The following GSG1L variants were observed in gnomAD, a reference collection of about 807,000 sequenced individuals.
GSG1L encodes germ cell-specific gene 1-like protein.
GSG1L carries 24 observed loss-of-function variants against 42.1 expected under a neutral mutation model. The ratio of observed to expected loss-of-function variants is 0.57; its 90% CI spans 0.41 to 0.80. GSG1L has a LOEUF of 0.80. Ranked by LOEUF, GSG1L falls within the 30% of genes least tolerant of loss-of-function variation. GSG1L has a pLI of 0.00. For synonymous variants in GSG1L, 215 were observed against 203.5 expected, an observed-to-expected ratio of 1.06 and a Z score of -0.48; for missense variants, 445 against 472.2, an observed-to-expected ratio of 0.94 and a Z score of 0.53.
chr16:28,015,430 A>G (rs1052683572), intron 1 of GSG1L, among the ~76,000 whole-genome samples: 5 of 152,246 alleles, frequency 3.3e-5, no homozygotes, highest in African/African-American at 1.2e-4. Context: ...ACTTCAGCCC[A>G]GGAATTCAAG....
chr16:27,873,977 T>C (rs974276445), intron 3 of GSG1L, among the ~76,000 whole-genome samples: 3 of 152,100 alleles, frequency 2.0e-5, no homozygotes, highest in African/African-American at 7.2e-5. Flanking sequence ...TTCCCAGGCC[T>C]CTCCCTTAAT....
chr16:28,063,039 G>T lies in GSG1L; in HGVS notation c.349+37C>A, dbSNP rs1034968569. 7.3e-7 allele frequency: 1 copy of T among 1,369,474 alleles called. No individual in the cohort carries two copies. The highest frequency in any genetic ancestry group is 9.5e-7 in the Non-Finnish European group (1 of 1,056,728). 84.8% of individuals were successfully genotyped at this position (1,369,474 alleles called of 1,614,324 possible). Reference sequence around the variant, plus strand: ...TCGATGGCCGCGCCGCCCCGGGGGAGCCGGAGCCGAGCTGGCCGCCGCCCG... The same window carrying T: ...TCGATGGCCGCGCCGCCCCGGGGGATCCGGAGCCGAGCTGGCCGCCGCCCG... On this transcript the variant is annotated intron_variant, in intron 1 of 6. Coordinates refer to ENST00000447459, the MANE Select transcript of GSG1L (RefSeq NM_001109763.2). This position sits in a 1 kb window ranked among gnomAD's most constrained non-coding sequence, Gnocchi z 5.8.
chr16:27,803,800 G>GATAGATATATAGATATAGAT (rs2082917674), intron 6 of GSG1L, among the ~76,000 whole-genome samples: 2 of 74,246 alleles, frequency 2.7e-5, no homozygotes, highest in African/African-American at 1.0e-4. Context: ...TATATAGATA[G>GATAGATATATAGATATAGAT]ATAGATATAG....
chr16:27,983,318 G>C (rs1328425640), intron 1 of GSG1L, among the ~76,000 whole-genome samples: 1 of 152,128 alleles, frequency 6.6e-6, no homozygotes, highest in Non-Finnish European at 1.5e-5. Context: ...CTGGGTGACA[G>C]AGCAAGACTC....
At chr16:28,042,121 G>A (rs575523294) in intron 1 of GSG1L, among the ~76,000 whole-genome samples, 1 of 152,314 alleles carries the variant, frequency 6.6e-6, no homozygotes, top group South Asian at 2.1e-4. Context: ...GTGAGAGGGA[G>A]ATCCTATCTC....
chr16:27,932,146 G>A (rs1344820170), intron 2 of GSG1L, among the ~76,000 whole-genome samples: 1 of 152,164 alleles, frequency 6.6e-6, no homozygotes, highest in Non-Finnish European at 1.5e-5. Context: ...TCTGTCTCCT[G>A]GGTTCAAGTA....
At chr16:27,876,452 T>C (rs1596576982) in intron 3 of GSG1L, among the ~76,000 whole-genome samples, 1 of 152,224 alleles carries the variant, frequency 6.6e-6, no homozygotes, top group Admixed American at 6.5e-5. Flanking sequence ...CTGAGCTTCC[T>C]GGCAGCCGAT....
chr16:27,881,924 C>T (rs560288314), intron 3 of GSG1L, among the ~76,000 whole-genome samples: 1 of 152,114 alleles, frequency 6.6e-6, no homozygotes, highest in Non-Finnish European at 1.5e-5. Flanking sequence ...ATCAATATGA[C>T]TCCTGCAGCC....
chr16:27,815,574 G>C lies in GSG1L; in HGVS notation c.831-8020C>G, dbSNP rs183892392. 5.1e-3 allele frequency among the ~76,000 whole-genome samples: 772 copies of C among 152,304 alleles called. 6 individuals carry two copies. Among genetic ancestry groups the C allele is most frequent in the African/African-American group, 0.018 (731 of 41,538 alleles). On this transcript the variant is annotated intron_variant, in intron 5 of 6. Transcript: ENST00000447459. ...AAGGGCTGATGGGGATGCTTGGTGT[G>C]AAACAGTGCTCAGAACAGGCATCAG...
intron 3 of GSG1L, among the ~76,000 whole-genome samples, chr16:27,848,767 T>C (rs1179996031): frequency 6.6e-6 from 1 of 151,728 alleles, no homozygotes; most frequent in Non-Finnish European, 1.5e-5. Context: ...GGAAGTGACA[T>C]TTAAGCAGAG....
Position 27,789,082 on chromosome 16 carries a change from T to C in GSG1L, c.*2288A>G, listed in dbSNP as rs1486980962. On this transcript the variant is annotated 3_prime_UTR_variant, in exon 7 of 7. Transcript: ENST00000447459. ...GTGTGACACATGGAAGGAGGATGGATGGAAGTCTGATACAAGGAAGGATGA... is the reference window on the plus strand; with the variant it reads ...GTGTGACACATGGAAGGAGGATGGACGGAAGTCTGATACAAGGAAGGATGA... The C allele has an allele frequency of 6.6e-6, 1 of 152,228 alleles. No individual in the cohort carries two copies. The highest frequency in any genetic ancestry group is 2.4e-5 in the African/African-American group (1 of 41,424). 9.4% of individuals were successfully genotyped at this position (152,228 alleles called of 1,614,324 possible). A position where few individuals can be genotyped will look rare whatever the true frequency, so the allele number is the denominator to read the frequency against.
At chr16:28,037,617 T>A (rs774564147) in intron 1 of GSG1L, among the ~76,000 whole-genome samples, 9 of 152,224 alleles carry the variant, frequency 5.9e-5, no homozygotes, top group Non-Finnish European at 8.8e-5. Context: ...CACTTTTCAC[T>A]GTTGATACAA....
intron 2 of GSG1L, among the ~76,000 whole-genome samples, chr16:27,911,379 C>T (rs959578433): frequency 6.6e-6 from 1 of 152,132 alleles, no homozygotes; most frequent in Non-Finnish European, 1.5e-5. Context: ...CAACCTCCGC[C>T]TCCCAGGTTC....
intron 5 of GSG1L, among the ~76,000 whole-genome samples, chr16:27,816,501 G>A (rs1463572295): frequency 3.9e-5 from 6 of 152,216 alleles, no homozygotes; most frequent in African/African-American, 4.8e-5. Context: ...CTGTTCAGAC[G>A]TGAACAGCAC....
chr16:28,020,169 C>T (rs185949661), intron 1 of GSG1L, among the ~76,000 whole-genome samples: 1 of 152,304 alleles, frequency 6.6e-6, no homozygotes, highest in East Asian at 1.9e-4. Flanking sequence ...AAAATCGGCC[C>T]TACTGTCTTG....
intron 2 of GSG1L, among the ~76,000 whole-genome samples, chr16:27,925,474 AC>A (rs2084580859): frequency 6.6e-6 from 1 of 152,168 alleles, no homozygotes; most frequent in African/African-American, 2.4e-5. Flanking sequence ...AAGAGTCTTG[AC>A]CCAGAATGTT....
chr16:27,820,389 G>C (rs985744523), intron 5 of GSG1L, among the ~76,000 whole-genome samples: 4 of 152,140 alleles, frequency 2.6e-5, no homozygotes, highest in African/African-American at 9.7e-5. Context: ...CAATTCGGGA[G>C]GCAGGTGGGT....
chr16:27,934,106 C>A (rs1386438275), intron 2 of GSG1L, among the ~76,000 whole-genome samples: 4 of 152,208 alleles, frequency 2.6e-5, no homozygotes, highest in African/African-American at 9.6e-5. Flanking sequence ...CGGGGCAGAA[C>A]AACCTTCCCC....
At chr16:28,034,704 G>A (rs1160098657) in intron 1 of GSG1L, among the ~76,000 whole-genome samples, 1 of 152,122 alleles carries the variant, frequency 6.6e-6, no homozygotes, top group Non-Finnish European at 1.5e-5. Context: ...GGACATTCAG[G>A]GCTGGATCAT....
Sources: gnomAD v4.1 joint callset for allele counts (sites outside exome capture counted in the v4.1 genomes callset) on GRCh38, gnomAD v4.1.1 for gene constraint, Gnocchi (gnomAD v3.1) non-coding constraint, MANE v1.5 for transcripts, NCBI Gene and HGNC (gene_info 2026-07-23, HGNC 2026-07-21) for gene names.